SEMA6D: variants seen among roughly 807,000 people sequenced by gnomAD.
SEMA6D encodes semaphorin-6D.
In SEMA6D, 35 loss-of-function variants were observed where a neutral mutation model predicts 106.6. That is an observed-to-expected ratio of 0.33 (90% CI 0.25 to 0.44). The LOEUF (loss-of-function observed/expected upper bound fraction) is 0.44. Ranked by LOEUF, SEMA6D falls within the 20% of genes least tolerant of loss-of-function variation. SEMA6D has a pLI of 1.00. For synonymous variants in SEMA6D, 499 were observed against 487.7 expected (o/e 1.02, Z -0.31); for missense variants, 1,185 against 1,345.9 (o/e 0.88, Z 1.87).
At chr15:47,319,245 T>G (rs2036826860) in intron 1 of SEMA6D, among the ~76,000 whole-genome samples, 1 of 152,214 alleles carries the variant, frequency 6.6e-6, no homozygotes, top group South Asian at 2.1e-4. Flanking sequence ...CTTAGCATAT[T>G]AATCATAGTT....
At chr15:47,266,355 A>G (rs534938628) in intron 1 of SEMA6D, among the ~76,000 whole-genome samples, 1 of 152,176 alleles carries the variant, frequency 6.6e-6, no homozygotes, top group South Asian at 2.1e-4. Context: ...CCTCTCGGGC[A>G]AAATCTCTAG....
chr15:47,197,951 G>A (rs1595727905), intron 1 of SEMA6D, among the ~76,000 whole-genome samples: 1 of 151,352 alleles, frequency 6.6e-6, no homozygotes, highest in Non-Finnish European at 1.5e-5. Flanking sequence ...TCATTTCCTT[G>A]GGGAGTCAAA....
intron 1 of SEMA6D, among the ~76,000 whole-genome samples, chr15:47,246,665 G>A (rs1192520321): frequency 6.6e-6 from 1 of 152,150 alleles, no homozygotes; most frequent in Non-Finnish European, 1.5e-5. Context: ...TCTGACCACA[G>A]CTGGGAGACG....
intron 4 of SEMA6D, among the ~76,000 whole-genome samples, chr15:47,665,314 C>G (rs1227561775): frequency 6.6e-6 from 1 of 152,114 alleles, no homozygotes; most frequent in Non-Finnish European, 1.5e-5. Flanking sequence ...TTCCATCTTC[C>G]TTTTCATTCT....
At chr15:47,253,652 A>G (rs2033640264) in intron 1 of SEMA6D, among the ~76,000 whole-genome samples, 1 of 152,042 alleles carries the variant, frequency 6.6e-6, no homozygotes, top group African/African-American at 2.4e-5. Flanking sequence ...CACCATTGTG[A>G]AAAATAATTT....
At chr15:47,290,286 A>AT (rs199537591) in intron 1 of SEMA6D, among the ~76,000 whole-genome samples, 87 of 151,540 alleles carry the variant, frequency 5.7e-4, no homozygotes, top group East Asian at 4.3e-3. Context: ...ATAATGCAAC[A>AT]TTTTTTTTTC....
At chr15:47,710,441 G>A (rs1276053668) in intron 4 of SEMA6D, among the ~76,000 whole-genome samples, 4 of 152,186 alleles carry the variant, frequency 2.6e-5, no homozygotes, top group Admixed American at 6.5e-5. Context: ...AATTTGTGAC[G>A]AGAAATGAAT....
At chr15:47,339,382 C>T (rs1347522422) in intron 1 of SEMA6D, among the ~76,000 whole-genome samples, 2 of 152,228 alleles carry the variant, frequency 1.3e-5, no homozygotes, top group East Asian at 3.9e-4. Context: ...TGGGATGTGA[C>T]ACCATCTCCA....
chr15:47,536,849 A>T (rs1463544525), intron 3 of SEMA6D, among the ~76,000 whole-genome samples: 1 of 152,180 alleles, frequency 6.6e-6, no homozygotes, highest in Non-Finnish European at 1.5e-5. Context: ...AAAGTTACCC[A>T]ACTCACCCAA....
At chr15:47,203,224 C>A (rs1894834841) in intron 1 of SEMA6D, among the ~76,000 whole-genome samples, 1 of 152,050 alleles carries the variant, frequency 6.6e-6, no homozygotes, top group Non-Finnish European at 1.5e-5. Flanking sequence ...GAATCAAGTT[C>A]CCTCTAACCT....
At chr15:47,767,457 A>G (rs561476663) in intron 17 of SEMA6D, 3 of 171,172 alleles carry the variant, frequency 1.8e-5, no homozygotes, top group Non-Finnish European at 3.7e-5. Context: ...TATTTTCCCC[A>G]TCTCTCCTCA....
chr15:47,645,772 A>G (rs1294191898), intron 4 of SEMA6D, among the ~76,000 whole-genome samples: 2 of 152,168 alleles, frequency 1.3e-5, no homozygotes, highest in African/African-American at 4.8e-5. Context: ...CCAACCAGCT[A>G]TACATTGGGA....
chr15:47,377,614 G>T (rs1233910439), intron 1 of SEMA6D, among the ~76,000 whole-genome samples: 1 of 152,206 alleles, frequency 6.6e-6, no homozygotes, highest in Non-Finnish European at 1.5e-5. Flanking sequence ...GACGTTGTCA[G>T]TAGATGTTCT....
chr15:47,448,496 A>G (rs924909237), intron 2 of SEMA6D, among the ~76,000 whole-genome samples: 4 of 152,148 alleles, frequency 2.6e-5, no homozygotes, highest in Non-Finnish European at 5.9e-5. Flanking sequence ...TGCCTGATCC[A>G]TCACTTATTT....
intron 1 of SEMA6D, among the ~76,000 whole-genome samples, chr15:47,277,607 TTA>T (rs1491183190): frequency 0.027 from 1,496 of 56,278 alleles, 23 homozygotes; most frequent in African/African-American, 0.098. Context: ...ATTATTATTA[TTA>T]TTATTTATTA....
At chr15:47,731,775 T>C (rs748506000) in intron 1 of SEMA6D, among the ~76,000 whole-genome samples, 9 of 152,224 alleles carry the variant, frequency 5.9e-5, no homozygotes, top group Non-Finnish European at 1.2e-4. Flanking sequence ...GATAAATGGT[T>C]ATGCTACCAT....
intron 3 of SEMA6D, among the ~76,000 whole-genome samples, chr15:47,530,629 AT>A (rs1161271947): frequency 6.6e-6 from 1 of 152,220 alleles, no homozygotes; most frequent in Non-Finnish European, 1.5e-5. Context: ...AATAAAGGGC[AT>A]TGCCAGAAGT....
At chr15:47,307,569 C>T (rs147136199) in intron 1 of SEMA6D, among the ~76,000 whole-genome samples, 1 of 151,956 alleles carries the variant, frequency 6.6e-6, no homozygotes, top group Non-Finnish European at 1.5e-5. Context: ...AATCTTTGAG[C>T]TTAGTACATC....
intron 1 of SEMA6D, among the ~76,000 whole-genome samples, chr15:47,278,605 C>A (rs2034952586): frequency 6.6e-6 from 1 of 152,066 alleles, no homozygotes; most frequent in Non-Finnish European, 1.5e-5. Flanking sequence ...TGTGCAGAGG[C>A]TCTTTAGTTT....
Sources: gnomAD v4.1 joint callset for allele counts (sites outside exome capture counted in the v4.1 genomes callset) on GRCh38, gnomAD v4.1.1 for gene constraint, MANE v1.5 for transcripts, NCBI Gene and HGNC (gene_info 2026-07-23, HGNC 2026-07-21) for gene names.